The following BRINP2 variants were observed in gnomAD, a reference collection of about 807,000 sequenced individuals.
BRINP2 encodes BMP/retinoic acid inducible neural specific 2, also known as BMP/retinoic acid-inducible neural-specific protein 2.
In BRINP2, 21 loss-of-function variants were observed where a neutral mutation model predicts 69.2. The ratio of observed to expected loss-of-function variants is 0.30; its 90% CI spans 0.22 to 0.44. BRINP2 has a LOEUF of 0.44. Ranked by LOEUF, BRINP2 falls within the 20% of genes least tolerant of loss-of-function variation. The pLI is 1.00. For synonymous variants in BRINP2, 380 were observed against 394.1 expected (o/e 0.96, Z 0.42); for missense variants, 877 against 986.0 (o/e 0.89, Z 1.48).
intron 2 of BRINP2, among the ~76,000 whole-genome samples, chr1:177,241,637 A>T (rs1650209367): frequency 6.6e-6 from 1 of 152,198 alleles, no homozygotes; most frequent in Non-Finnish European, 1.5e-5. Flanking sequence ...TTCCTAAACC[A>T]ATTCTGACTC....
intron 5 of BRINP2, among the ~76,000 whole-genome samples, chr1:177,275,641 C>A (rs1239670732): frequency 6.6e-6 from 1 of 152,156 alleles, no homozygotes; most frequent in African/African-American, 2.4e-5. Context: ...GGCACTGTAT[C>A]CCCACAATAT....
chr1:177,270,758 G>A lies in BRINP2; in HGVS notation c.670-2730G>A, dbSNP rs188964957. On this transcript the variant is annotated intron_variant, in intron 4 of 7. Coordinates refer to ENST00000361539, the MANE Select transcript of BRINP2 (RefSeq NM_021165.4). ...CTTACCTGTAGGCAGGGACAGGCAA[G>A]CCTCCAAATACCATACCCCTGTGTC... Among the ~76,000 whole-genome samples the A allele has an allele frequency of 7.6e-3, 1,163 of 152,308 alleles. 8 individuals are homozygous for A. The highest frequency in any genetic ancestry group is 0.012 in the Non-Finnish European group (826 of 68,032).
chr1:177,232,401 G>A (rs1649886079), intron 2 of BRINP2, among the ~76,000 whole-genome samples: 1 of 152,166 alleles, frequency 6.6e-6, no homozygotes, highest in Admixed American at 6.5e-5. Context: ...GTGCCATTCT[G>A]TTTCTCTGGG....
chr1:177,236,315 C>T (rs546392947), intron 2 of BRINP2, among the ~76,000 whole-genome samples: 1 of 152,296 alleles, frequency 6.6e-6, no homozygotes, highest in Admixed American at 6.5e-5. Context: ...ATTCTATTTC[C>T]ACTTCTGGCA....
intron 4 of BRINP2, among the ~76,000 whole-genome samples, chr1:177,260,966 A>G (rs924515406): frequency 6.6e-6 from 1 of 152,158 alleles, no homozygotes; most frequent in African/African-American, 2.4e-5. Context: ...TGAAGAAATG[A>G]AGCCAAGTAA....
intron 4 of BRINP2, among the ~76,000 whole-genome samples, chr1:177,266,925 T>C (rs1279807529): frequency 6.6e-6 from 1 of 152,166 alleles, no homozygotes; most frequent in Non-Finnish European, 1.5e-5. Flanking sequence ...GCTAACATGA[T>C]GACTTCCACG....
chr1:177,253,638 A>T (rs1231178298), intron 2 of BRINP2, among the ~76,000 whole-genome samples: 1 of 152,076 alleles, frequency 6.6e-6, no homozygotes, highest in Non-Finnish European at 1.5e-5. Flanking sequence ...CTTTTCCCCT[A>T]AACTTTATTC....
chr1:177,227,292 G>A (rs1190361253), intron 1 of BRINP2, among the ~76,000 whole-genome samples: 1 of 152,186 alleles, frequency 6.6e-6, no homozygotes, highest in East Asian at 1.9e-4. Context: ...CCAGTATCAG[G>A]TAGCTGCAGT....
chr1:177,187,678 C>G (rs555268227), intron 1 of BRINP2, among the ~76,000 whole-genome samples: 1 of 152,268 alleles, frequency 6.6e-6, no homozygotes, highest in East Asian at 1.9e-4. Flanking sequence ...TGTCGACTTC[C>G]GCTCTTGTTC....
At chr1:177,186,686 T>C (rs1179149938) in intron 1 of BRINP2, among the ~76,000 whole-genome samples, 1 of 152,120 alleles carries the variant, frequency 6.6e-6, no homozygotes, top group Non-Finnish European at 1.5e-5. Flanking sequence ...GGGATTTGGG[T>C]CACTGGGCCT....
At chr1:177,267,179 G>A (rs1185813103) in intron 4 of BRINP2, among the ~76,000 whole-genome samples, 1 of 152,194 alleles carries the variant, frequency 6.6e-6, no homozygotes, top group African/African-American at 2.4e-5. Context: ...TATAAGAATA[G>A]TTTATTAAGA....
intron 1 of BRINP2, among the ~76,000 whole-genome samples, chr1:177,182,456 A>G (rs1648289631): frequency 6.6e-6 from 1 of 152,120 alleles, no homozygotes; most frequent in Non-Finnish European, 1.5e-5. Context: ...AAAACGAACC[A>G]TACAGACAGC....
At chr1:177,178,044 C>T (rs1260356303) in intron 1 of BRINP2, among the ~76,000 whole-genome samples, 1 of 152,212 alleles carries the variant, frequency 6.6e-6, no homozygotes, top group African/African-American at 2.4e-5. Context: ...TGCTTTCTCT[C>T]ACACTGCCCC....
intron 4 of BRINP2, among the ~76,000 whole-genome samples, chr1:177,271,315 G>C (rs1442078470): frequency 6.6e-6 from 1 of 152,172 alleles, no homozygotes; most frequent in African/African-American, 2.4e-5. Flanking sequence ...AATTTGTTTT[G>C]CTCAATGTTA....
At position 177,258,092 on chromosome 1, in the gene BRINP2, A is replaced by G. The variant is rs138417186; in HGVS notation, c.669+708A>G. On this transcript the variant is annotated intron_variant, in intron 4 of 7. Coordinates refer to ENST00000361539, the MANE Select transcript of BRINP2 (RefSeq NM_021165.4). ...TGGAAAGATTTAACAGGGGAGTAAC[A>G]TGATCTCATGAGTGTTTTTAAGAGA... is the stretch of plus-strand genomic sequence containing the variant. Among the ~76,000 whole-genome samples, 16 of 152,344 alleles carry G rather than the reference A, an allele frequency of 1.1e-4. No homozygotes were observed. In the East Asian group the frequency reaches 2.9e-3, roughly 28 times the overall value.
chr1:177,188,039 G>T (rs2102294452), intron 1 of BRINP2, among the ~76,000 whole-genome samples: 1 of 152,168 alleles, frequency 6.6e-6, no homozygotes, highest in Admixed American at 6.5e-5. Context: ...AAGTATTATT[G>T]TGAAAATTAA....
intron 1 of BRINP2, among the ~76,000 whole-genome samples, chr1:177,194,114 C>T (rs1648671011): frequency 1.3e-5 from 2 of 152,102 alleles, no homozygotes; most frequent in African/African-American, 2.4e-5. Flanking sequence ...AGATGTTTGG[C>T]TGTATTTATT....
chr1:177,198,201 CAT>C (rs1558155952), intron 1 of BRINP2, among the ~76,000 whole-genome samples: 1 of 152,056 alleles, frequency 6.6e-6, no homozygotes. Flanking sequence ...GAAATGTTCA[CAT>C]ATATATTACA....
intron 2 of BRINP2, among the ~76,000 whole-genome samples, chr1:177,252,038 T>C (rs1352028950): frequency 6.6e-6 from 1 of 152,176 alleles, no homozygotes; most frequent in East Asian, 1.9e-4. Context: ...TTATGATTCA[T>C]CAATGTAATT....
Sources: allele counts gnomAD v4.1 joint callset (sites outside exome capture counted in the v4.1 genomes callset), GRCh38; gene constraint gnomAD v4.1.1; transcripts MANE v1.5; gene names NCBI Gene and HGNC (gene_info 2026-07-23, HGNC 2026-07-21).